Variants in NDUFAF1 observed in about 807,000 individuals in gnomAD.
NDUFAF1 encodes NADH:ubiquinone oxidoreductase complex assembly factor 1.
NDUFAF1 carries 18 observed loss-of-function variants against 28.7 expected under a neutral mutation model. The observed-to-expected ratio is 0.63, with a 90% CI of 0.43 to 0.93. The LOEUF is 0.93. Among genes scored for constraint, NDUFAF1 ranks in the 40% least tolerant of loss-of-function variants. NDUFAF1 has a pLI of 0.00. For missense variants in NDUFAF1, 404 were observed against 398.3 expected (o/e 1.01, Z -0.12); for synonymous variants, 113 against 139.7 (o/e 0.81, Z 1.35).
At chr15:41,394,025 T>C (rs1473070338) in intron 3 of NDUFAF1, 1 of 170,530 alleles carries the variant, frequency 5.9e-6, no homozygotes, top group Non-Finnish European at 1.1e-5. Flanking sequence ...ACTACTTTTT[T>C]TTTTTTTTTT....
At chr15:41,395,645 C>T (rs900615218) in intron 2 of NDUFAF1, among the ~76,000 whole-genome samples, 1 of 142,402 alleles carries the variant, frequency 7.0e-6, no homozygotes, top group African/African-American at 2.6e-5. Flanking sequence ...GTGGGGATTA[C>T]AGGCATGAGC....
intron 2 of NDUFAF1, among the ~76,000 whole-genome samples, chr15:41,395,505 T>G (rs34009291): frequency 0.17 from 24,580 of 144,916 alleles, 3,097 homozygotes; most frequent in East Asian, 0.62. Flanking sequence ...GAATAGCTGG[T>G]ACTATAGGCG....
rs2050364157 is a variant in NDUFAF1, at chr15:41,394,936, C to G, written c.682G>C (p.Asp228His). The change falls in exon 3 of 5, where the codon GAT (aspartate) becomes CAT (histidine). Residue 228 changes from aspartate (D) to histidine (H), a missense_variant. By Grantham distance (81) the Asp-to-His change is moderately conservative. Transcript: ENST00000260361. The stretch of plus-strand genomic sequence containing the variant: ...ATCTGATTCGTCCTCTGGAAGAAAT[C>G]TGTGTCCTCCTTGATATTCACCATC... ...PWMVNIKEDT[D>H]FFQRTNQMYS... 20 of 1,614,058 alleles carry G rather than the reference C, an allele frequency of 1.2e-5. No individual in the cohort carries two copies. Among genetic ancestry groups the G allele is most frequent in the Admixed American group, 1.7e-5 (1 of 59,998 alleles).
chr15:41,388,518 G>T lies in NDUFAF1; in HGVS notation c.764C>A (p.Pro255His). The T allele has an allele frequency of 6.2e-7, 1 of 1,608,336 alleles. No individual in the cohort carries two copies. The highest frequency in any genetic ancestry group is 8.5e-7 in the Non-Finnish European group (1 of 1,174,870). The change falls in exon 4 of 5, where the codon CCT becomes CAT. Residue 255 changes from proline to histidine, a missense_variant. Transcript: ENST00000260361. Reference protein sequence around the residue: ...GGPYWQEVKIPFSKFFFSNRG... With the variant: ...GGPYWQEVKIHFSKFFFSNRG... ...ATTAGAGAAGAAAAATTTGGAAAAA[G>T]GAATCTGAAAGAAGAAACCATTTAC...
At chr15:41,389,724 T>C (rs1214348536) in intron 3 of NDUFAF1, among the ~76,000 whole-genome samples, 2 of 152,110 alleles carry the variant, frequency 1.3e-5, no homozygotes, top group Non-Finnish European at 2.9e-5. Context: ...AGCGAGCCCA[T>C]GCTGCACTCC....
At position 41,400,245 on chromosome 15, in the gene NDUFAF1, A is replaced by G. The variant is rs903115417; in HGVS notation, c.-82+1899T>C. Among the ~76,000 whole-genome samples the G allele has an allele frequency of 1.6e-4, 24 of 149,630 alleles. 1 individual carries two copies. The highest frequency in any genetic ancestry group is 8.5e-4 in the South Asian group (4 of 4,698). On this transcript the variant is annotated intron_variant, in intron 1 of 4. Transcript: ENST00000260361. ...AATTAGCCCGGTGTGGTGGCGCACA[A>G]CTGTAGTCCCAGCTACTTGGGAGGC...
intron 1 of NDUFAF1, among the ~76,000 whole-genome samples, chr15:41,400,369 C>CAAA (rs1179539276): frequency 1.1e-5 from 1 of 91,832 alleles, no homozygotes; most frequent in Admixed American, 1.3e-4. Flanking sequence ...AATTCCATCT[C>CAAA]AAAAAAAAAA....
At chr15:41,401,214 T>C (rs1258949975) in intron 1 of NDUFAF1, among the ~76,000 whole-genome samples, 4 of 149,790 alleles carry the variant, frequency 2.7e-5, no homozygotes, top group Non-Finnish European at 4.4e-5. Context: ...GTGATCCGCC[T>C]ACATGGGCCT....
Position 41,402,275 on chromosome 15 carries a change from T to C in NDUFAF1, c.-213A>G, listed in dbSNP as rs1279832635. The C allele has an allele frequency of 4.4e-6, 2 of 454,054 alleles. No individual in the cohort carries two copies. The highest frequency in any genetic ancestry group is 7.0e-5 in the East Asian group (1 of 14,388). The allele number at this position is 454,054 out of a possible 1,614,324, so 28.1% of individuals were successfully genotyped here. A position where few individuals can be genotyped will look rare whatever the true frequency, so the allele number is the denominator to read the frequency against. On this transcript the variant is annotated 5_prime_UTR_variant, in exon 1 of 5. Coordinates refer to ENST00000260361, the MANE Select transcript of NDUFAF1 (RefSeq NM_016013.4). ...GCTAATTTACCCGAGGTCACACAGG[T>C]AGTGAGTGGCAAAATTCTTCCGCCT...
chr15:41,402,029 CAG>C (rs1269094167), intron 1 of NDUFAF1, 113 bp downstream of exon 1: 1 of 236,362 alleles, frequency 4.2e-6, no homozygotes, highest in African/African-American at 2.2e-5. Flanking sequence ...TACCAGTAAA[CAG>C]AAAATCTAAA....
At chr15:41,393,338 C>G (rs1239455693) in intron 3 of NDUFAF1, among the ~76,000 whole-genome samples, 1 of 146,862 alleles carries the variant, frequency 6.8e-6, no homozygotes, top group Non-Finnish European at 1.5e-5. Context: ...TCCCGCCCAG[C>G]CTGGAGTGCA....
intron 4 of NDUFAF1, among the ~76,000 whole-genome samples, chr15:41,388,202 G>A (rs1566820331): frequency 2.6e-5 from 4 of 152,148 alleles, no homozygotes. Flanking sequence ...AATTAGGAGA[G>A]AAGGGAGGGG....
intron 2 of NDUFAF1, among the ~76,000 whole-genome samples, chr15:41,395,312 A>T (rs896257497): frequency 2.0e-5 from 3 of 152,126 alleles, no homozygotes; most frequent in Non-Finnish European, 4.4e-5. Flanking sequence ...AATGGAAATG[A>T]ATGTATTTCC....
At chr15:41,391,445 T>C (rs1171825063) in intron 3 of NDUFAF1, among the ~76,000 whole-genome samples, 1 of 151,680 alleles carries the variant, frequency 6.6e-6, no homozygotes, top group Admixed American at 6.6e-5. Context: ...ACTTGGTGAA[T>C]GAAACCCCAT....
intron 3 of NDUFAF1, chr15:41,394,272 G>A (rs1351215393): frequency 4.6e-6 from 4 of 876,014 alleles, no homozygotes; most frequent in Non-Finnish European, 4.9e-6. Context: ...AACCTCAAGT[G>A]ATCCGTCCGC....
chr15:41,393,589 C>CTTTT (rs551792777), intron 3 of NDUFAF1, among the ~76,000 whole-genome samples: 3,145 of 135,470 alleles, frequency 0.023, 181 homozygotes, highest in African/African-American at 0.086. Flanking sequence ...CGCGGCCGGC[C>CTTTT]TTTTTTTTTT....
At chr15:41,402,091 A>ACAATC (rs2050470797) in intron 1 of NDUFAF1, 53 bp downstream of exon 1, 12 of 401,770 alleles carry the variant, frequency 3.0e-5, no homozygotes, top group South Asian at 1.9e-4. Flanking sequence ...TTTTGACAAC[A>ACAATC]CAATCCACGC....
chr15:41,391,211 T>C (rs2050311940), intron 3 of NDUFAF1, among the ~76,000 whole-genome samples: 1 of 151,922 alleles, frequency 6.6e-6, no homozygotes, highest in African/African-American at 2.4e-5. Flanking sequence ...TCTGTATTAC[T>C]ACATATATAT....
chr15:41,391,107 C>T (rs2050310902), intron 3 of NDUFAF1, among the ~76,000 whole-genome samples: 1 of 151,686 alleles, frequency 6.6e-6, no homozygotes, highest in Non-Finnish European at 1.5e-5. Context: ...TTCTGTACTT[C>T]CCAAATTGTT....
Sources: gnomAD v4.1 joint callset for allele counts (sites outside exome capture counted in the v4.1 genomes callset) on GRCh38, gnomAD v4.1.1 for gene constraint, MANE v1.5 for transcripts, NCBI Gene and HGNC (gene_info 2026-07-23, HGNC 2026-07-21) for gene names.